ARSB: variants seen among roughly 807,000 people sequenced by gnomAD.
ARSB encodes arylsulfatase B, also known as N-acetylgalactosamine-4-sulfatase.
A neutral mutation model predicts 50.9 loss-of-function variants in ARSB; 41 were observed. The ratio of observed to expected loss-of-function variants is 0.81; its 90% CI spans 0.63 to 1.04. The LOEUF (loss-of-function observed/expected upper bound fraction) is 1.04. Among genes scored for constraint, ARSB ranks in the 50% least tolerant of loss-of-function variants. ARSB has a pLI of 0.00. For synonymous variants in ARSB, 269 were observed against 284.8 expected (o/e 0.94, Z 0.56); for missense variants, 672 against 693.3 (o/e 0.97, Z 0.35).
At chr5:78,786,311 G>C (rs1749079467) in intron 6 of ARSB, among the ~76,000 whole-genome samples, 2 of 152,188 alleles carry the variant, frequency 1.3e-5, no homozygotes, top group Non-Finnish European at 2.9e-5. Context: ...CATTCATTTT[G>C]TAGCACGTAT....
intron 5 of ARSB, among the ~76,000 whole-genome samples, chr5:78,862,986 C>T (rs1291782251): frequency 6.6e-6 from 1 of 152,096 alleles, no homozygotes; most frequent in African/African-American, 2.4e-5. Context: ...ATTTATGCAG[C>T]CAACAGACGC....
At chr5:78,929,062 C>A (rs1209075718) in intron 4 of ARSB, among the ~76,000 whole-genome samples, 1 of 152,154 alleles carries the variant, frequency 6.6e-6, no homozygotes. Flanking sequence ...TAATGGATGT[C>A]CCGCCTCCCC....
chr5:78,979,989 AACAT>A (rs1282731739), intron 1 of ARSB, among the ~76,000 whole-genome samples: 1 of 152,248 alleles, frequency 6.6e-6, no homozygotes, highest in Non-Finnish European at 1.5e-5. Context: ...TACATGCTAC[AACAT>A]AGATGAAAGG....
At position 78,832,942 on chromosome 5, in the gene ARSB, C is replaced by A. The variant is rs1744755916; in HGVS notation, c.1213+6414G>T. On this transcript the variant is annotated intron_variant, in intron 6 of 7. Coordinates refer to ENST00000264914, the MANE Select transcript of ARSB (RefSeq NM_000046.5). ...ACATGATCGGATATGTGTGTTCCAG[C>A]CATCATAGAATGCCACGTCTGACTT... Among the ~76,000 whole-genome samples, 3 of 152,218 alleles carry A rather than the reference C, an allele frequency of 2.0e-5. No individual in the cohort carries two copies. In the South Asian group the frequency reaches 6.2e-4, roughly 32 times the overall value.
chr5:78,930,434 A>C (rs1750270135), intron 4 of ARSB, among the ~76,000 whole-genome samples: 1 of 94,540 alleles, frequency 1.1e-5, no homozygotes, highest in Non-Finnish European at 2.1e-5. Context: ...ATGGAAACAA[A>C]AGAAAAAGAA....
At chr5:78,829,827 G>A (rs1035888978) in intron 6 of ARSB, among the ~76,000 whole-genome samples, 2 of 152,130 alleles carry the variant, frequency 1.3e-5, no homozygotes, top group Non-Finnish European at 2.9e-5. Context: ...AAAATTTTAT[G>A]AGGTTTTATG....
intron 5 of ARSB, among the ~76,000 whole-genome samples, chr5:78,873,524 C>T (rs1167599844): frequency 3.9e-5 from 1 of 25,386 alleles, no homozygotes; most frequent in Non-Finnish European, 8.4e-5. Context: ...GAGACGGAGT[C>T]TCGCTCTGTC....
Position 78,833,926 on chromosome 5 carries a change from G to A in ARSB, c.1213+5430C>T, listed in dbSNP as rs990751407. ...TCAATTACAACTTAATAAGTGACTT[G>A]TAGCTTCTAAGTTATTTTTACTTAG... On this transcript the variant is annotated intron_variant, in intron 6 of 7. Transcript: ENST00000264914. 2.6e-5 allele frequency among the ~76,000 whole-genome samples: 4 copies of A among 152,314 alleles called. No individual in the cohort carries two copies. The South Asian group carries it at 6.2e-4, about 24-fold the overall frequency.
intron 6 of ARSB, among the ~76,000 whole-genome samples, chr5:78,836,640 C>A (rs10942870): frequency 0.35 from 53,464 of 151,990 alleles, 10,196 homozygotes; most frequent in Middle Eastern, 0.43. Context: ...CTGGAGAAAC[C>A]TTTTGCCTGT....
At chr5:78,842,084 T>A (rs1238585706) in intron 5 of ARSB, among the ~76,000 whole-genome samples, 1 of 149,944 alleles carries the variant, frequency 6.7e-6, no homozygotes, top group Non-Finnish European at 1.5e-5. Flanking sequence ...ATTCAAGTAA[T>A]TATACCCTCC....
intron 6 of ARSB, among the ~76,000 whole-genome samples, chr5:78,810,438 G>A (rs1392069532): frequency 6.6e-6 from 1 of 152,196 alleles, no homozygotes; most frequent in East Asian, 1.9e-4. Flanking sequence ...CCTTTGCTTT[G>A]GAAAGAGATT....
chr5:78,835,144 C>T (rs927818831), intron 6 of ARSB, among the ~76,000 whole-genome samples: 3 of 152,064 alleles, frequency 2.0e-5, no homozygotes, highest in Admixed American at 6.6e-5. Context: ...GCATGTTTCT[C>T]TATGAATGTG....
intron 4 of ARSB, among the ~76,000 whole-genome samples, chr5:78,939,687 G>A (rs527685409): frequency 1.5e-3 from 230 of 152,294 alleles, no homozygotes; most frequent in Non-Finnish European, 2.5e-3. Flanking sequence ...ATCATTGGTG[G>A]ACATTTGGGT....
chr5:78,842,854 T>C (rs952089187), intron 5 of ARSB, among the ~76,000 whole-genome samples: 2 of 152,022 alleles, frequency 1.3e-5, no homozygotes, highest in African/African-American at 4.8e-5. Flanking sequence ...CTGGAAATTT[T>C]TGATATCAAT....
intron 4 of ARSB, among the ~76,000 whole-genome samples, chr5:78,886,778 A>C (rs936800646): frequency 1.6e-4 from 25 of 151,674 alleles, no homozygotes; most frequent in African/African-American, 2.2e-4. Context: ...TAAAAAAAAA[A>C]CCCACTATTA....
intron 6 of ARSB, among the ~76,000 whole-genome samples, chr5:78,793,682 A>G (rs1317260921): frequency 6.6e-6 from 1 of 152,152 alleles, no homozygotes; most frequent in Non-Finnish European, 1.5e-5. Context: ...AACTAGTCCT[A>G]GTTGCTGGGC....
intron 6 of ARSB, among the ~76,000 whole-genome samples, chr5:78,817,579 G>T (rs546012320): frequency 1.3e-5 from 2 of 151,850 alleles, no homozygotes; most frequent in African/African-American, 4.8e-5. Context: ...GAGGCCAAGA[G>T]GGGTGAATCA....
In ARSB at chr5:78,976,457, A is replaced by G. The variant is rs569168925; in HGVS notation, c.313-7265T>C. Among the ~76,000 whole-genome samples the G allele has an allele frequency of 7.9e-5, 12 of 151,832 alleles. 1 individual carries two copies. Among genetic ancestry groups the G allele is most frequent in the Admixed American group, 2.0e-4 (3 of 15,256 alleles). Reference sequence around the variant, plus strand: ...CAGTCTCCTGTGTAGCTGGGACTACAGGCGCTTACCACCACACTTGGTTAA... The same window carrying G: ...CAGTCTCCTGTGTAGCTGGGACTACGGGCGCTTACCACCACACTTGGTTAA... On this transcript the variant is annotated intron_variant, in intron 1 of 7. Coordinates refer to ENST00000264914, the MANE Select transcript of ARSB (RefSeq NM_000046.5).
chr5:78,812,122 T>A (rs1743830083), intron 6 of ARSB, among the ~76,000 whole-genome samples: 2 of 152,164 alleles, frequency 1.3e-5, no homozygotes, highest in African/African-American at 4.8e-5. Context: ...TGTTCACATA[T>A]GGGATTCACA....
Sources: allele counts gnomAD v4.1 joint callset (sites outside exome capture counted in the v4.1 genomes callset), GRCh38; gene constraint gnomAD v4.1.1; transcripts MANE v1.5; gene names NCBI Gene and HGNC (gene_info 2026-07-23, HGNC 2026-07-21).